MRC2: variants seen among roughly 807,000 people sequenced by gnomAD.
MRC2 encodes mannose receptor C-type 2.
In MRC2, 84 loss-of-function variants were observed where a neutral mutation model predicts 206.2. That is an observed-to-expected ratio of 0.41 (90% CI 0.34 to 0.49). MRC2 has a LOEUF of 0.49. MRC2 is among the 20% of genes least tolerant of loss of function. The pLI is 0.31. For synonymous variants in MRC2, 798 were observed against 800.0 expected (o/e 1.00, Z 0.04); for missense variants, 1,676 against 2,001.5 (o/e 0.84, Z 3.10).
rs781663816 is a variant in MRC2 at position 62,678,549 on chromosome 17, G to A, written c.2098G>A (p.Ala700Thr). The A allele has an allele frequency of 1.2e-6, 2 of 1,610,478 alleles. No homozygotes were observed. The highest frequency in any genetic ancestry group is 8.5e-7 in the Non-Finnish European group (1 of 1,179,110). Residue 700 changes from alanine to threonine, a missense_variant, in exon 13 of 30, where the codon GCC (alanine) becomes ACC (threonine). Coordinates refer to ENST00000303375, the MANE Select transcript of MRC2 (RefSeq NM_006039.5). ...GCAGGACAAGAAGAGCTGGGTCCAG[G>A]CCCAGGGGGCCTGCCAGGAGCTGGG... The part of the protein sequence containing the change: ...RLQDKKSWVQ[A>T]QGACQELGAQ...
rs147472466 is a variant in MRC2 at position 62,688,534 on chromosome 17, T to C, written c.3095T>C (p.Phe1032Ser). Residue 1032 changes from phenylalanine (F) to serine (S), a missense_variant, in exon 22 of 30, where the codon TTT becomes TCT. Phe to Ser is a radical substitution (Grantham distance 155). Coordinates refer to ENST00000303375, the MANE Select transcript of MRC2 (RefSeq NM_006039.5). ...FITASLPNVT[F>S]DLWIGLHASQ... ...ACAGCCAGCCTGCCCAATGTGACCT[T>C]TGACCTTTGGATTGGCCTCCATGCC... 11 of 1,614,196 alleles carry C rather than the reference T, an allele frequency of 6.8e-6. No individual in the cohort carries two copies. Among genetic ancestry groups the C allele is most frequent in the Middle Eastern group, 1.6e-4 (1 of 6,062 alleles).
intron 1 of MRC2, among the ~76,000 whole-genome samples, chr17:62,654,287 C>G (rs755571287): frequency 6.6e-6 from 1 of 152,006 alleles, no homozygotes; most frequent in African/African-American, 2.4e-5. Context: ...GCCAGGTGGT[C>G]GCTGGGCCCT....
intron 1 of MRC2, among the ~76,000 whole-genome samples, chr17:62,662,949 C>T (rs957094464): frequency 6.6e-6 from 1 of 152,152 alleles, no homozygotes. Context: ...AAAATAAACA[C>T]TAGCAGTCGG....
chr17:62,667,551 C>T lies in MRC2; in HGVS notation c.1117+18C>T. 2 of 1,599,456 alleles carry T rather than the reference C, an allele frequency of 1.3e-6. No homozygotes were observed. Among genetic ancestry groups the T allele is most frequent in the Non-Finnish European group, 8.5e-7 (1 of 1,176,354 alleles). ...CCCTCCAGGTGAGCCAGGGACTGTG[C>T]CGCAGGGTGGGGAGGGGCTCCCAGG... On this transcript the variant is annotated intron_variant, in intron 6 of 29. Transcript: ENST00000303375. The surrounding 1 kb of genome is among the most constrained non-coding windows in gnomAD (Gnocchi z 4.1).
chr17:62,667,574 A>G lies in MRC2; in HGVS notation c.1117+41A>G. 6.4e-7 allele frequency: 1 copy of G among 1,568,248 alleles called. No individual in the cohort carries two copies. Among genetic ancestry groups the G allele is most frequent in the Non-Finnish European group, 8.6e-7 (1 of 1,166,538 alleles). On this transcript the variant is annotated intron_variant, in intron 6 of 29. Coordinates refer to ENST00000303375, the MANE Select transcript of MRC2 (RefSeq NM_006039.5). This position sits in a 1 kb window ranked among gnomAD's most constrained non-coding sequence, Gnocchi z 4.1. ...TGCCGCAGGGTGGGGAGGGGCTCCC[A>G]GGGCCAGGGACACAGCCACAGAGCC...
chr17:62,682,640 A>G (rs1001651951), intron 20 of MRC2, among the ~76,000 whole-genome samples: 1 of 138,394 alleles, frequency 7.2e-6, no homozygotes, highest in African/African-American at 2.7e-5. Context: ...ATTGCCAAAG[A>G]TTTTTTTTTT....
At chr17:62,665,142 G>A (rs1436283440) in intron 2 of MRC2, among the ~76,000 whole-genome samples, 193 bp downstream of exon 2, 1 of 152,202 alleles carries the variant, frequency 6.6e-6, no homozygotes, top group Admixed American at 6.5e-5. Flanking sequence ...GCTCACGCCT[G>A]TAATCCCAGC....
chr17:62,673,489 T>A (rs546016385), intron 8 of MRC2, among the ~76,000 whole-genome samples: 3 of 150,164 alleles, frequency 2.0e-5, no homozygotes, highest in Non-Finnish European at 4.4e-5. Flanking sequence ...TTATCAATAA[T>A]GTAAAAGGAC....
At chr17:62,687,727 C>T (rs1438282881) in intron 20 of MRC2, among the ~76,000 whole-genome samples, 2 of 151,992 alleles carry the variant, frequency 1.3e-5, no homozygotes, top group African/African-American at 4.8e-5. Flanking sequence ...ACTAAAAATA[C>T]AAAAAATTAG....
At chr17:62,676,837 T>A (rs546295982) in intron 11 of MRC2, among the ~76,000 whole-genome samples, 27 of 152,372 alleles carry the variant, frequency 1.8e-4, no homozygotes, top group African/African-American at 5.5e-4. Flanking sequence ...AGAGTTAATG[T>A]GTGTAAAGTG....
Position 62,666,591 on chromosome 17 carries a change from G to C in MRC2, c.831G>C (p.Thr277=). 1 of 1,601,264 alleles carries C rather than the reference G, an allele frequency of 6.2e-7. No individual in the cohort carries two copies. The highest frequency in any genetic ancestry group is 8.5e-7 in the Non-Finnish European group (1 of 1,174,158). The change falls in exon 4 of 30, where the codon ACG becomes ACC. Residue 277 remains threonine, a synonymous_variant. Coordinates refer to ENST00000303375, the MANE Select transcript of MRC2 (RefSeq NM_006039.5). The surrounding 1 kb of genome is among the most constrained non-coding windows in gnomAD (Gnocchi z 5.0). ...EQQGADLLSI[T]EIHEQTYING... ...AGGGTGCGGATCTGCTGAGCATCAC[G>C]GAGATCCACGAGCAGACCTACATCA...
At chr17:62,636,083 G>A (rs1419155164) in intron 1 of MRC2, among the ~76,000 whole-genome samples, 7 of 151,646 alleles carry the variant, frequency 4.6e-5, no homozygotes, top group Admixed American at 1.3e-4. Context: ...CACCGCGCCC[G>A]GCCAATTTTT....
In MRC2 at chr17:62,680,557, C is replaced by T; in HGVS notation, c.2473+104C>T. Reference sequence around the variant, plus strand: ...AATGAAATGGAGGGGATGAGGAGTTCCGGTCGAGAGAAGGGGGACGGGGTT... The same window carrying T: ...AATGAAATGGAGGGGATGAGGAGTTTCGGTCGAGAGAAGGGGGACGGGGTT... On this transcript the variant is annotated intron_variant, in intron 16 of 29. Transcript: ENST00000303375. This position sits in a 1 kb window ranked among gnomAD's most constrained non-coding sequence, Gnocchi z 4.8. 2 of 1,501,606 alleles carry T rather than the reference C, an allele frequency of 1.3e-6. No homozygotes were observed. The highest frequency in any genetic ancestry group is 1.2e-5 in the South Asian group (1 of 85,560). 93.0% of individuals were successfully genotyped at this position (1,501,606 alleles called of 1,614,324 possible). A position where few individuals can be genotyped will look rare whatever the true frequency, so the allele number is the denominator to read the frequency against.
chr17:62,629,656 G>GCCCTGCCAAATTCCACTGGGCCCTA (rs2084200756), intron 1 of MRC2, among the ~76,000 whole-genome samples: 2 of 152,208 alleles, frequency 1.3e-5, no homozygotes, highest in Non-Finnish European at 2.9e-5. Flanking sequence ...GCTTGCCCCT[G>GCCCTGCCAAATTCCACTGGGCCCTA]CCCTGCCAAA....
At chr17:62,687,486 CCT>C (rs1445962421) in intron 20 of MRC2, among the ~76,000 whole-genome samples, 1 of 152,164 alleles carries the variant, frequency 6.6e-6, no homozygotes, top group African/African-American at 2.4e-5. Flanking sequence ...CATCACACTG[CCT>C]CTGAGCAGAA....
In MRC2 at chr17:62,677,355, C is replaced by G. The variant is rs752667622; in HGVS notation, c.1921C>G (p.Arg641Gly). 6.2e-7 allele frequency: 1 copy of G among 1,609,550 alleles called. No individual in the cohort carries two copies. The highest frequency in any genetic ancestry group is 8.5e-7 in the Non-Finnish European group (1 of 1,178,660). ...EVKNCTSFRA[R>G]YICRQSLGTP... is the part of the protein sequence containing the mutation. ...GAAGAACTGTACCTCGTTCCGGGCC[C>G]GCTACATCTGCCGGCAGAGCCTGGG... The change falls in exon 12 of 30, where the codon CGC (arginine) becomes GGC (glycine). Residue 641 changes from arginine to glycine, a missense_variant. Coordinates refer to ENST00000303375, the MANE Select transcript of MRC2 (RefSeq NM_006039.5).
intron 1 of MRC2, among the ~76,000 whole-genome samples, chr17:62,642,431 A>C (rs2088418680): frequency 6.6e-6 from 1 of 152,164 alleles, no homozygotes; most frequent in African/African-American, 2.4e-5. Context: ...TGTCTACCAG[A>C]TCTCTCCACT....
At chr17:62,681,549 C>T (rs924105288) in intron 18 of MRC2, 6 of 467,226 alleles carry the variant, frequency 1.3e-5, no homozygotes, top group African/African-American at 1.0e-4. Flanking sequence ...ACCTGGGACT[C>T]AGAATTTGAG....
chr17:62,689,971 G>T lies in MRC2; in HGVS notation c.3651G>T (p.Pro1217=), dbSNP rs140662871. The change falls in exon 25 of 30, where the codon CCG becomes CCT. Residue 1217 remains proline, a synonymous_variant. Transcript: ENST00000303375. ...GGCAGGACGGGGAGCCGCAGCAGCC[G>T]GGGGGCTGTACCTACGTAGATGTGG... The part of the protein sequence containing the change: ...VGWQDGEPQQ[P]GGCTYVDVDG... 3.7e-6 allele frequency: 6 copies of T among 1,612,346 alleles called. No homozygotes were observed. In the African/African-American group the frequency reaches 6.7e-5, roughly 18 times the overall value.
Sources: gnomAD v4.1 joint callset for allele counts (sites outside exome capture counted in the v4.1 genomes callset) on GRCh38, gnomAD v4.1.1 for gene constraint, Gnocchi (gnomAD v3.1) non-coding constraint, MANE v1.5 for transcripts, NCBI Gene and HGNC (gene_info 2026-07-23, HGNC 2026-07-21) for gene names.